Variants in PPP2R3B observed in about 807,000 individuals in gnomAD.
PPP2R3B encodes the protein protein phosphatase 2 regulatory subunit B''beta, also known as serine/threonine-protein phosphatase 2A regulatory subunit B'' subunit beta.
In PPP2R3B, 68 loss-of-function variants were observed where a neutral mutation model predicts 72.9. The observed-to-expected ratio is 0.93, with a 90% confidence interval of 0.77 to 1.14. The LOEUF is 1.14. Ranked by LOEUF, PPP2R3B falls within the 50% of genes most tolerant of loss-of-function variation. PPP2R3B has a pLI of 0.00. For synonymous variants in PPP2R3B, 466 were observed against 375.8 expected (o/e 1.24, Z -2.78); for missense variants, 1,018 against 842.0 (o/e 1.21, Z -2.59).
chrX:357,388 T>TA lies in PPP2R3B; in HGVS notation c.510+4016dup, dbSNP rs764681907. Among the ~76,000 whole-genome samples the TA allele has an allele frequency of 3.0e-4, 45 of 151,588 alleles. 2 individuals are homozygous for TA. Among genetic ancestry groups the TA allele is most frequent in the East Asian group, 2.5e-3 (13 of 5,150 alleles). On this transcript the variant is annotated intron_variant, in intron 2 of 12. Transcript: ENST00000390665. ...CCAAACAAAAAACTATTCAATAAAC[T>TA]AAAAAAAATGACAGAAGGAAGTGTA...
chrX:334,236 T>C lies in PPP2R3B; in HGVS notation c.*131A>G, dbSNP rs2124521376. On this transcript the variant is annotated 3_prime_UTR_variant, in exon 13 of 13. Coordinates refer to ENST00000390665, the MANE Select transcript of PPP2R3B (RefSeq NM_013239.5). ...AACCCACAGCGGCAATCAACACGCT[T>C]CTGTGAATAAATAAAAGTTTATCAT... is the stretch of plus-strand genomic sequence containing the variant. 4 of 1,132,728 alleles carry C rather than the reference T, an allele frequency of 3.5e-6. No homozygotes were observed. Among genetic ancestry groups the C allele is most frequent in the African/African-American group, 1.7e-5 (1 of 59,806 alleles). 70.2% of individuals were successfully genotyped at this position (1,132,728 alleles called of 1,614,324 possible).
intron 2 of PPP2R3B, among the ~76,000 whole-genome samples, chrX:351,238 TG>T (rs2071326906): frequency 6.6e-6 from 1 of 151,850 alleles, no homozygotes; most frequent in African/African-American, 2.4e-5. Flanking sequence ...CCCGGTGCGG[TG>T]GGAGGGAACG....
intron 1 of PPP2R3B, among the ~76,000 whole-genome samples, chrX:383,125 G>C (rs2072161111): frequency 6.6e-6 from 1 of 152,162 alleles, no homozygotes; most frequent in Non-Finnish European, 1.5e-5. Flanking sequence ...CGGTCTCCAA[G>C]CTGCCTCTAG....
rs1339346095 is a variant in PPP2R3B, at chrX:345,352, G to A, written c.1036+164C>T. On this transcript the variant is annotated intron_variant, in intron 7 of 12. Transcript: ENST00000390665. ...ACCCAGACACGGGGCAGCGACTGGG[G>A]AAGGAGAGGCAGCTGCAGACACAGA... 3.0e-6 allele frequency: 3 copies of A among 1,009,654 alleles called. No homozygotes were observed. The African/African-American group carries it at 4.8e-5, about 16-fold the overall frequency. The allele number at this position is 1,009,654 out of a possible 1,614,324, so 62.5% of individuals were successfully genotyped here. A position where few individuals can be genotyped will look rare whatever the true frequency, so the allele number is the denominator to read the frequency against.
intron 1 of PPP2R3B, among the ~76,000 whole-genome samples, chrX:368,069 C>A (rs956121876): frequency 2.0e-5 from 3 of 152,252 alleles, no homozygotes; most frequent in Non-Finnish European, 4.4e-5. Context: ...TGGACACAAA[C>A]TGAGCCCGCT....
intron 8 of PPP2R3B, chrX:341,670 C>T (rs2071080517): frequency 1.5e-6 from 1 of 669,708 alleles, no homozygotes; most frequent in Non-Finnish European, 2.6e-6. Flanking sequence ...GGGGCCTGGG[C>T]CACCCCCTTC....
chrX:358,299 G>A (rs1337798823), intron 2 of PPP2R3B, among the ~76,000 whole-genome samples: 2 of 152,054 alleles, frequency 1.3e-5, no homozygotes, highest in Non-Finnish European at 2.9e-5. Context: ...CCCCACACAC[G>A]CGGGACGCTC....
intron 1 of PPP2R3B, among the ~76,000 whole-genome samples, chrX:379,307 CTATG>C (rs1431194814): frequency 3.5e-5 from 5 of 140,976 alleles, no homozygotes; most frequent in East Asian, 2.1e-4. Flanking sequence ...GTGTATGGAC[CTATG>C]TATGTGTGTA....
At chrX:382,460 A>G (rs2072148181) in intron 1 of PPP2R3B, among the ~76,000 whole-genome samples, 1 of 151,410 alleles carries the variant, frequency 6.6e-6, no homozygotes, top group African/African-American at 2.4e-5. Context: ...AGCCTCCCAA[A>G]GTGCTAGGAA....
intron 1 of PPP2R3B, among the ~76,000 whole-genome samples, chrX:371,669 C>A (rs1221968017): frequency 2.0e-5 from 3 of 152,068 alleles, no homozygotes; most frequent in Admixed American, 6.5e-5. Context: ...GGCGGAGGTG[C>A]GGCACCCCAA....
chrX:341,875 G>GT lies in PPP2R3B; in HGVS notation c.1085+7dup. 1 of 1,612,606 alleles carries GT rather than the reference G, an allele frequency of 6.2e-7. No individual in the cohort carries two copies. Among genetic ancestry groups the GT allele is most frequent in the Non-Finnish European group, 8.5e-7 (1 of 1,179,694 alleles). ...ATGGCTGCCGTCAGGCGCCTGAGCC[G>GT]TACGTACCGTGTGACTGCTCCTGAG... On this transcript the variant is annotated splice_region_variant and intron_variant, in intron 8 of 12. Coordinates refer to ENST00000390665, the MANE Select transcript of PPP2R3B (RefSeq NM_013239.5).
chrX:368,950 A>G (rs1159729449), intron 1 of PPP2R3B, among the ~76,000 whole-genome samples: 12 of 152,250 alleles, frequency 7.9e-5, no homozygotes, highest in Non-Finnish European at 1.5e-4. Context: ...TGGAACAAAC[A>G]ACACAACCAC....
Position 386,615 on chromosome X carries a change from G to T in PPP2R3B, c.77C>A (p.Ala26Asp). Residue 26 changes from alanine to aspartate, a missense_variant, in exon 1 of 13, where the codon GCC (alanine) becomes GAC (aspartate). By Grantham distance (126) the Ala-to-Asp change is moderately radical. Coordinates refer to ENST00000390665, the MANE Select transcript of PPP2R3B (RefSeq NM_013239.5). ...GTCCTGCAGCATCCGCTGCGTGCTGGCCTCGCTGAGCCAGTACAGGAACAG... is the reference window on the plus strand; with the variant it reads ...GTCCTGCAGCATCCGCTGCGTGCTGTCCTCGCTGAGCCAGTACAGGAACAG... ...DELFLYWLSE[A>D]STQRMLQDCL... The T allele has an allele frequency of 6.9e-7, 1 of 1,446,216 alleles. No individual in the cohort carries two copies. 89.6% of individuals were successfully genotyped at this position (1,446,216 alleles called of 1,614,324 possible). A position where few individuals can be genotyped will look rare whatever the true frequency, so the allele number is the denominator to read the frequency against.
chrX:359,582 A>G (rs1284245132), intron 2 of PPP2R3B, among the ~76,000 whole-genome samples: 3 of 152,244 alleles, frequency 2.0e-5, no homozygotes, highest in Admixed American at 2.0e-4. Flanking sequence ...CCTAATTTTT[A>G]CTGGAAGATG....
chrX:360,339 G>A (rs1408146998), intron 2 of PPP2R3B, among the ~76,000 whole-genome samples: 2 of 152,182 alleles, frequency 1.3e-5, no homozygotes, highest in Non-Finnish European at 2.9e-5. Context: ...TTCAAGACCA[G>A]CCTGGCCAAT....
chrX:356,455 A>T lies in PPP2R3B; in HGVS notation c.510+4950T>A, dbSNP rs550643865. On this transcript the variant is annotated intron_variant, in intron 2 of 12. Coordinates refer to ENST00000390665, the MANE Select transcript of PPP2R3B (RefSeq NM_013239.5). ...GGCCTCGAACTCCTGACCTCAGGTG[A>T]TCTGCCTACCTCAGCCTCCCGAAGT... Among the ~76,000 whole-genome samples, 3 of 152,240 alleles carry T rather than the reference A, an allele frequency of 2.0e-5. No homozygotes were observed. In the Middle Eastern group the frequency reaches 0.01, roughly 518 times the overall value.
At chrX:368,037 G>T (rs2071761223) in intron 1 of PPP2R3B, among the ~76,000 whole-genome samples, 2 of 152,236 alleles carry the variant, frequency 1.3e-5, no homozygotes, top group Non-Finnish European at 2.9e-5. Context: ...CGCAGCCTCG[G>T]CACTGATCAA....
At chrX:381,662 G>A (rs1442356154) in intron 1 of PPP2R3B, among the ~76,000 whole-genome samples, 3 of 142,212 alleles carry the variant, frequency 2.1e-5, no homozygotes, top group South Asian at 2.2e-4. Context: ...GCAGTGGCGC[G>A]ATCTCAGCTC....
intron 5 of PPP2R3B, 118 bp from the exon 6 acceptor site, chrX:346,378 G>C: frequency 1.0e-6 from 1 of 977,780 alleles, no homozygotes; most frequent in South Asian, 1.5e-5. Flanking sequence ...GGGGCCGCCA[G>C]GGCACAGGCG....
Sources: allele counts gnomAD v4.1 joint callset (sites outside exome capture counted in the v4.1 genomes callset), GRCh38; gene constraint gnomAD v4.1.1; transcripts MANE v1.5; gene names NCBI Gene and HGNC (gene_info 2026-07-23, HGNC 2026-07-21).